Variants in TENM1 observed in about 807,000 individuals in gnomAD.
TENM1 encodes teneurin-1.
In TENM1, 35 loss-of-function variants were observed where a neutral mutation model predicts 174.8. The ratio of observed to expected loss-of-function variants is 0.20; its 90% CI spans 0.15 to 0.27. The LOEUF (loss-of-function observed/expected upper bound fraction) is 0.27, where lower values mean the gene tolerates loss of function less well. Among genes scored for constraint, TENM1 ranks in the 10% least tolerant of loss-of-function variants. The probability of loss-of-function intolerance (pLI) is 1.00; values close to 1 mark genes in which losing one functional copy is unlikely to be tolerated. For synonymous variants in TENM1, 781 were observed against 798.7 expected (o/e 0.98, Z 0.37); for missense variants, 1,633 against 2,130.1 (o/e 0.77, Z 4.59).
intron 15 of TENM1, among the ~76,000 whole-genome samples, chrX:124,538,219 G>C (rs767533778): frequency 8.9e-6 from 1 of 111,910 alleles, no homozygotes; most frequent in Non-Finnish European, 1.9e-5. Context: ...AAAATCAAGA[G>C]ATCCCATCTT....
At chrX:124,872,494 T>C (rs1469723249) in intron 3 of TENM1, among the ~76,000 whole-genome samples, 1 of 111,951 alleles carries the variant, frequency 8.9e-6, no homozygotes, top group Admixed American at 9.5e-5. Flanking sequence ...TAAGCAGAAA[T>C]TTCCAATTGA....
intron 3 of TENM1, among the ~76,000 whole-genome samples, chrX:124,773,699 C>T (rs886255867): frequency 7.2e-5 from 8 of 111,031 alleles, no homozygotes; most frequent in African/African-American, 2.3e-4. Flanking sequence ...ATGAAACCCC[C>T]GTATGTTGCC....
At chrX:125,099,281 G>A in the TENM1 span, among the ~76,000 whole-genome samples, 1 of 112,198 alleles carries the variant, frequency 8.9e-6, no homozygotes, top group Non-Finnish European at 1.9e-5. Flanking sequence ...AACCCAGACA[G>A]AAGCATTAAT....
chrX:124,481,709 A>T (rs994680097), intron 22 of TENM1, 23 bp downstream of exon 25: 25 of 401,114 alleles, frequency 6.2e-5, no homozygotes, highest in Admixed American at 1.4e-4. Context: ...ATATATATAT[A>T]TATTTATTTA....
chrX:125,098,361 C>A, the TENM1 span, among the ~76,000 whole-genome samples: 1 of 112,238 alleles, frequency 8.9e-6, no homozygotes, highest in Non-Finnish European at 1.9e-5. Flanking sequence ...GGTCAGCATA[C>A]ATAAATATTT....
exon 7 of TENM1, chrX:124,653,682 T>C (rs751228319): frequency 1.1e-5 from 13 of 1,208,658 alleles, no homozygotes; most frequent in Non-Finnish European, 1.5e-5. Flanking sequence ...GGATGGTGGA[T>C]AGTAATCTGG....
At chrX:124,522,384 T>C (rs1051925472) in intron 17 of TENM1, among the ~76,000 whole-genome samples, 3 of 111,764 alleles carry the variant, frequency 2.7e-5, no homozygotes, top group Admixed American at 1.9e-4. Context: ...CACATTTAAT[T>C]ATCATTAAAA....
chrX:124,652,297 G>A (rs902128666), intron 7 of TENM1, among the ~76,000 whole-genome samples, 173 bp from the exon 11 acceptor site: 4 of 111,528 alleles, frequency 3.6e-5, no homozygotes, highest in Non-Finnish European at 7.5e-5. Context: ...GGTGGCTCAT[G>A]CCTGTAATCC....
At chrX:124,754,451 T>A (rs976354659) in intron 3 of TENM1, among the ~76,000 whole-genome samples, 2 of 111,695 alleles carry the variant, frequency 1.8e-5, no homozygotes, top group Non-Finnish European at 1.9e-5. Flanking sequence ...CCTGGATTCA[T>A]TAACTTTTTG....
chrX:124,584,574 C>A (rs982527074), intron 11 of TENM1, among the ~76,000 whole-genome samples: 4 of 111,503 alleles, frequency 3.6e-5, no homozygotes, highest in African/African-American at 1.3e-4. Flanking sequence ...CCAGCCACTG[C>A]AAAATCAAGC....
At chrX:124,878,549 C>T (rs755925862) in intron 3 of TENM1, among the ~76,000 whole-genome samples, 2 of 109,482 alleles carry the variant, frequency 1.8e-5, no homozygotes, top group Non-Finnish European at 3.8e-5. Context: ...AGCCAGGCAT[C>T]CCTCTCTTAC....
exon 32 of TENM1, chrX:124,380,456 T>G: frequency 1.0e-6 from 1 of 982,610 alleles, no homozygotes; most frequent in Non-Finnish European, 1.4e-6. Context: ...AGAGTTCTGA[T>G]CTAGAAAACC....
At chrX:124,479,267 A>T (rs2046796528) in intron 22 of TENM1, among the ~76,000 whole-genome samples, 1 of 112,422 alleles carries the variant, frequency 8.9e-6, no homozygotes, top group Non-Finnish European at 1.9e-5. Flanking sequence ...ATCAAAGCAG[A>T]TGTTGACAAC....
intron 18 of TENM1, among the ~76,000 whole-genome samples, chrX:124,516,385 A>G (rs1238034200): frequency 8.9e-6 from 1 of 112,379 alleles, no homozygotes; most frequent in Non-Finnish European, 1.9e-5. Context: ...TATGCACAGC[A>G]AAAGAAACTA....
At chrX:124,623,338 A>G (rs1475475692) in intron 11 of TENM1, among the ~76,000 whole-genome samples, 1 of 111,335 alleles carries the variant, frequency 9.0e-6, no homozygotes, top group Non-Finnish European at 1.9e-5. Flanking sequence ...GTGCATGTAC[A>G]TGAGTGTGTG....
the TENM1 span, among the ~76,000 whole-genome samples, chrX:124,983,039 G>A: frequency 8.9e-6 from 1 of 112,101 alleles, no homozygotes; most frequent in African/African-American, 3.2e-5. Flanking sequence ...AACACATGTT[G>A]TATGTCTTTT....
At chrX:124,453,653 G>T (rs767265249) in intron 22 of TENM1, among the ~76,000 whole-genome samples, 162 bp from the exon 26 acceptor site, 1 of 111,804 alleles carries the variant, frequency 8.9e-6, no homozygotes, top group Non-Finnish European at 1.9e-5. Context: ...GTTTGTTGGG[G>T]CATACATTCA....
the TENM1 span, among the ~76,000 whole-genome samples, chrX:124,972,529 T>C: frequency 2.7e-5 from 3 of 112,225 alleles, no homozygotes; most frequent in South Asian, 1.1e-3. Context: ...AAATGAATTA[T>C]AGTTTGATTG....
At chrX:124,900,494 G>A (rs2057641995) in intron 1 of TENM1, among the ~76,000 whole-genome samples, 1 of 111,580 alleles carries the variant, frequency 9.0e-6, no homozygotes, top group African/African-American at 3.3e-5. Context: ...ACATGCCAAA[G>A]TTTATCATAT....
Sources: gnomAD v4.1 joint callset for allele counts (sites outside exome capture counted in the v4.1 genomes callset) on GRCh38, gnomAD v4.1.1 for gene constraint, MANE v1.5 for transcripts, NCBI Gene and HGNC (gene_info 2026-07-23, HGNC 2026-07-21) for gene names.